The following PIGK variants were observed in gnomAD, a reference collection of about 807,000 sequenced individuals.
PIGK encodes GPI-anchor transamidase.
In PIGK, 42 loss-of-function variants were observed where a neutral mutation model predicts 50.6. The observed-to-expected ratio is 0.83, with a 90% confidence interval of 0.65 to 1.07. The LOEUF is 1.07. Ranked by LOEUF, PIGK falls within the 50% of genes least tolerant of loss-of-function variation. PIGK has a pLI of 0.00. For missense variants in PIGK, 448 were observed against 488.7 expected, an observed-to-expected ratio of 0.92 and a Z score of 0.78; for synonymous variants, 151 against 156.0, an observed-to-expected ratio of 0.97 and a Z score of 0.24.
chr1:77,114,469 G>C (rs1245213570), intron 10 of PIGK, among the ~76,000 whole-genome samples: 1 of 151,990 alleles, frequency 6.6e-6, no homozygotes, highest in East Asian at 1.9e-4. Context: ...TTATAAATTT[G>C]GTGAAAACAG....
intron 3 of PIGK, among the ~76,000 whole-genome samples, chr1:77,202,044 T>C (rs1334815179): frequency 6.8e-6 from 1 of 146,620 alleles, no homozygotes; most frequent in Non-Finnish European, 1.5e-5. Flanking sequence ...GGCAATGGAG[T>C]GAGACAATCA....
intron 9 of PIGK, among the ~76,000 whole-genome samples, chr1:77,138,628 T>G (rs1557803325): frequency 6.6e-6 from 1 of 152,216 alleles, no homozygotes; most frequent in Non-Finnish European, 1.5e-5. Context: ...ACATGGGTGT[T>G]GTCTTGCACT....
intron 10 of PIGK, among the ~76,000 whole-genome samples, chr1:77,114,537 T>C (rs1423474900): frequency 2.6e-5 from 4 of 152,126 alleles, no homozygotes; most frequent in Non-Finnish European, 5.9e-5. Flanking sequence ...ATTTCTATTA[T>C]AGAAATTTCA....
chr1:77,210,547 T>C, intron 1 of PIGK, 58 bp from the exon 2 acceptor site: 1 of 1,046,784 alleles, frequency 9.6e-7, no homozygotes, highest in East Asian at 2.6e-5. Flanking sequence ...TAAAGACTGA[T>C]AATGGACAGT....
intron 10 of PIGK, among the ~76,000 whole-genome samples, chr1:77,096,601 C>T (rs1312774667): frequency 6.6e-6 from 1 of 152,154 alleles, no homozygotes; most frequent in African/African-American, 2.4e-5. Flanking sequence ...GCAAAACCAT[C>T]TTACTAATCA....
chr1:77,093,032 T>C (rs944322484), intron 10 of PIGK, among the ~76,000 whole-genome samples: 1 of 152,002 alleles, frequency 6.6e-6, no homozygotes, highest in African/African-American at 2.4e-5. Flanking sequence ...GTCATGTTTT[T>C]CCCTTGAGGT....
intron 10 of PIGK, among the ~76,000 whole-genome samples, chr1:77,121,479 TATCAGCTA>T (rs1363451491): frequency 6.6e-6 from 1 of 152,174 alleles, no homozygotes; most frequent in Non-Finnish European, 1.5e-5. Context: ...AATCAATACA[TATCAGCTA>T]AATAAAAATT....
intron 10 of PIGK, among the ~76,000 whole-genome samples, chr1:77,109,629 T>C (rs916333281): frequency 2.0e-5 from 3 of 152,114 alleles, no homozygotes; most frequent in Non-Finnish European, 2.9e-5. Flanking sequence ...TAAGAGCTAT[T>C]TATGACAAAC....
intron 10 of PIGK, among the ~76,000 whole-genome samples, chr1:77,103,290 A>C (rs926292865): frequency 2.6e-5 from 4 of 152,230 alleles, no homozygotes; most frequent in Non-Finnish European, 4.4e-5. Flanking sequence ...CTACTCAAAA[A>C]AAAAGTAAAG....
intron 3 of PIGK, among the ~76,000 whole-genome samples, chr1:77,190,545 C>T (rs1247802117): frequency 6.6e-6 from 1 of 152,164 alleles, no homozygotes; most frequent in Non-Finnish European, 1.5e-5. Flanking sequence ...AAAACAGGCT[C>T]TTGAAATTCT....
intron 1 of PIGK, among the ~76,000 whole-genome samples, chr1:77,212,251 AC>A (rs767482631): frequency 2.0e-5 from 3 of 152,070 alleles, no homozygotes; most frequent in Non-Finnish European, 4.4e-5. Flanking sequence ...TAATTACTAG[AC>A]CTGTCAGAAT....
chr1:77,163,740 T>C (rs1472720273), intron 6 of PIGK, 106 bp downstream of exon 6: 2 of 645,260 alleles, frequency 3.1e-6, no homozygotes, highest in Non-Finnish European at 5.3e-6. Flanking sequence ...TCAAAGAAAT[T>C]GTCAAAATAA....
At chr1:77,111,462 A>G (rs1653841261) in intron 10 of PIGK, among the ~76,000 whole-genome samples, 1 of 152,156 alleles carries the variant, frequency 6.6e-6, no homozygotes, top group African/African-American at 2.4e-5. Context: ...TTGTAGGGAC[A>G]TGGATGAAGA....
intron 3 of PIGK, among the ~76,000 whole-genome samples, chr1:77,205,896 C>T: frequency 6.6e-6 from 1 of 152,072 alleles, no homozygotes; most frequent in Non-Finnish European, 1.5e-5. Context: ...CTTTACGAGT[C>T]TTCATATAAA....
At chr1:77,103,734 G>A (rs959757494) in intron 10 of PIGK, among the ~76,000 whole-genome samples, 1 of 152,186 alleles carries the variant, frequency 6.6e-6, no homozygotes, top group Non-Finnish European at 1.5e-5. Context: ...GAATTTGCAG[G>A]ATAGAAGAGG....
At chr1:77,096,812 C>T (rs1653413878) in intron 10 of PIGK, among the ~76,000 whole-genome samples, 1 of 151,852 alleles carries the variant, frequency 6.6e-6, no homozygotes, top group Non-Finnish European at 1.5e-5. Context: ...AAAAGAAAAA[C>T]CCTGATCCTT....
intron 3 of PIGK, among the ~76,000 whole-genome samples, chr1:77,175,373 A>C (rs1396801013): frequency 2.0e-5 from 3 of 152,208 alleles, no homozygotes; most frequent in Admixed American, 2.0e-4. Flanking sequence ...GGTTAAAAAC[A>C]GGGATGCTTA....
chr1:77,105,941 G>T (rs546764320), intron 10 of PIGK, among the ~76,000 whole-genome samples: 3 of 152,072 alleles, frequency 2.0e-5, no homozygotes, highest in Admixed American at 6.5e-5. Context: ...AGAAAACAAC[G>T]GAAAGACATC....
chr1:77,096,281 T>G (rs1352563054), intron 10 of PIGK, among the ~76,000 whole-genome samples: 1 of 152,306 alleles, frequency 6.6e-6, no homozygotes, highest in African/African-American at 2.4e-5. Context: ...GTATGTTAGA[T>G]TGATGGGCAA....
Sources: gnomAD v4.1 joint callset for allele counts (sites outside exome capture counted in the v4.1 genomes callset) on GRCh38, gnomAD v4.1.1 for gene constraint, MANE v1.5 for transcripts, NCBI Gene and HGNC (gene_info 2026-07-23, HGNC 2026-07-21) for gene names.